The following NTM variants were observed in gnomAD, a reference collection of about 807,000 sequenced individuals.
The protein encoded by NTM is neurotrimin.
NTM carries 13 observed loss-of-function variants against 42.1 expected under a neutral mutation model. The observed-to-expected ratio is 0.31, with a 90% CI of 0.20 to 0.49. The LOEUF is 0.49. Ranked by LOEUF, NTM falls within the 20% of genes least tolerant of loss-of-function variation. The probability of loss-of-function intolerance (pLI) is 0.99; values close to 1 mark genes in which losing one functional copy is unlikely to be tolerated. For missense variants in NTM, 373 were observed against 452.8 expected (o/e 0.82, Z 1.60); for synonymous variants, 187 against 179.2 (o/e 1.04, Z -0.35).
At chr11:131,510,021 C>G (rs139153048) in intron 1 of NTM, among the ~76,000 whole-genome samples, 4 of 152,086 alleles carry the variant, frequency 2.6e-5, no homozygotes, top group African/African-American at 9.7e-5. Context: ...CAGTTTCCCA[C>G]GTCTCTAGAG....
In NTM at chr11:131,873,747, C is replaced by T. The variant is rs542238001; in HGVS notation, c.83-37817C>T. 6.4e-3 allele frequency among the ~76,000 whole-genome samples: 915 copies of T among 142,242 alleles called. 10 individuals are homozygous for T. The highest frequency in any genetic ancestry group is 9.6e-3 in the Non-Finnish European group (636 of 66,344). The allele number at this position is 142,242 out of a possible 152,430, so 93.3% of individuals were successfully genotyped here. A position where few individuals can be genotyped will look rare whatever the true frequency, so the allele number is the denominator to read the frequency against. ...TTTAATGTATATATATCAGCTGATA[C>T]ATATATATCAGAATGGCGATCATTA... On this transcript the variant is annotated intron_variant, in intron 1 of 8. Coordinates refer to ENST00000683400, the MANE Select transcript of NTM (RefSeq NM_001352005.2).
chr11:132,015,104 C>T (rs574471305), intron 2 of NTM, among the ~76,000 whole-genome samples: 9 of 152,032 alleles, frequency 5.9e-5, no homozygotes, highest in African/African-American at 1.9e-4. Flanking sequence ...CATTCTTCTG[C>T]ATAGGAATAT....
chr11:132,269,900 CA>C (rs2093396024), intron 4 of NTM, among the ~76,000 whole-genome samples: 1 of 152,216 alleles, frequency 6.6e-6, no homozygotes, highest in Non-Finnish European at 1.5e-5. Context: ...AATTTACATA[CA>C]AAGACTTTCA....
At chr11:131,941,061 G>A (rs537925208) in intron 2 of NTM, among the ~76,000 whole-genome samples, 1 of 152,302 alleles carries the variant, frequency 6.6e-6, no homozygotes, top group South Asian at 2.1e-4. Flanking sequence ...AAAGGGGAGA[G>A]GGAAGATATT....
intron 1 of NTM, among the ~76,000 whole-genome samples, chr11:131,734,575 T>C (rs1231710790): frequency 6.6e-6 from 1 of 152,142 alleles, no homozygotes; most frequent in Admixed American, 6.5e-5. Context: ...CAGTCAAGAA[T>C]GCCTGCTTCC....
At chr11:132,260,750 C>T (rs1156418973) in intron 4 of NTM, among the ~76,000 whole-genome samples, 3 of 152,214 alleles carry the variant, frequency 2.0e-5, no homozygotes, top group South Asian at 2.1e-4. Flanking sequence ...GGAAAGCCTT[C>T]GTCTCCGGGG....
intron 1 of NTM, among the ~76,000 whole-genome samples, chr11:131,644,571 A>G (rs1298822067): frequency 6.6e-6 from 1 of 152,252 alleles, no homozygotes; most frequent in Non-Finnish European, 1.5e-5. Context: ...TAAACACCAC[A>G]TAAGATAACA....
intron 1 of NTM, among the ~76,000 whole-genome samples, chr11:131,831,551 G>C (rs1247159225): frequency 6.6e-6 from 1 of 152,152 alleles, no homozygotes; most frequent in Non-Finnish European, 1.5e-5. Context: ...CAAGCCTCCA[G>C]AAAGTCAGGG....
chr11:131,549,497 A>C (rs1407708167), intron 1 of NTM, among the ~76,000 whole-genome samples: 1 of 152,200 alleles, frequency 6.6e-6, no homozygotes, highest in African/African-American at 2.4e-5. Flanking sequence ...CACTAAACTA[A>C]ATCTTTCATA....
chr11:131,809,944 C>G (rs1349774433), intron 1 of NTM, among the ~76,000 whole-genome samples: 6 of 152,194 alleles, frequency 3.9e-5, no homozygotes, highest in African/African-American at 1.4e-4. Flanking sequence ...TACGTGAATA[C>G]ACAACTTTTT....
intron 4 of NTM, among the ~76,000 whole-genome samples, chr11:132,251,495 C>T (rs767611234): frequency 5.9e-5 from 9 of 152,162 alleles, no homozygotes; most frequent in Non-Finnish European, 1.0e-4. Context: ...TAAACCACAT[C>T]GCACATCTGC....
chr11:131,465,273 C>T (rs1951778013), intron 1 of NTM, among the ~76,000 whole-genome samples: 1 of 152,184 alleles, frequency 6.6e-6, no homozygotes, highest in African/African-American at 2.4e-5. Context: ...CATGGGTGAC[C>T]TGCGGGTGCC....
intron 3 of NTM, among the ~76,000 whole-genome samples, chr11:132,194,876 G>T (rs1320603590): frequency 7.3e-6 from 1 of 136,906 alleles, no homozygotes; most frequent in Admixed American, 8.1e-5. Context: ...AGGCTGCAGT[G>T]CAGTGGTGTA....
chr11:132,246,547 A>C (rs1333642866), intron 4 of NTM, among the ~76,000 whole-genome samples: 1 of 152,192 alleles, frequency 6.6e-6, no homozygotes, highest in Non-Finnish European at 1.5e-5. Flanking sequence ...AATTATTGAT[A>C]GTTGACTCCC....
intron 4 of NTM, among the ~76,000 whole-genome samples, chr11:132,285,960 G>C (rs1387464259): frequency 6.6e-6 from 1 of 152,118 alleles, no homozygotes; most frequent in Non-Finnish European, 1.5e-5. Context: ...CTCAGGACTG[G>C]CTTCCTCGGT....
chr11:132,248,459 A>G (rs1019629638), intron 4 of NTM, among the ~76,000 whole-genome samples: 4 of 151,252 alleles, frequency 2.6e-5, no homozygotes, highest in Non-Finnish European at 4.4e-5. Flanking sequence ...ATGGCCTTTC[A>G]TCTGAGCACC....
At chr11:131,610,625 G>A (rs2061391030) in intron 1 of NTM, among the ~76,000 whole-genome samples, 1 of 152,190 alleles carries the variant, frequency 6.6e-6, no homozygotes, top group Non-Finnish European at 1.5e-5. Flanking sequence ...GTTTAAGTGA[G>A]GAAGCATTCA....
intron 4 of NTM, among the ~76,000 whole-genome samples, chr11:132,271,881 A>T (rs1268142156): frequency 6.6e-6 from 1 of 151,716 alleles, no homozygotes; most frequent in Non-Finnish European, 1.5e-5. Flanking sequence ...CTAAACTTAA[A>T]TTTTTTTGAT....
At chr11:132,186,921 C>T (rs552957990) in intron 3 of NTM, among the ~76,000 whole-genome samples, 1 of 152,280 alleles carries the variant, frequency 6.6e-6, no homozygotes, top group South Asian at 2.1e-4. Context: ...TGTGGAGTGC[C>T]CCCATGCTCA....
Sources: gnomAD v4.1 joint callset for allele counts (sites outside exome capture counted in the v4.1 genomes callset) on GRCh38, gnomAD v4.1.1 for gene constraint, MANE v1.5 for transcripts, NCBI Gene and HGNC (gene_info 2026-07-23, HGNC 2026-07-21) for gene names.